Variants in AGBL1 observed in about 807,000 individuals in gnomAD.
The protein encoded by AGBL1 is AGBL carboxypeptidase 1.
A neutral mutation model predicts 118.9 loss-of-function variants in AGBL1; 130 were observed. The ratio of observed to expected loss-of-function variants is 1.09; its 90% CI spans 0.95 to 1.26. The LOEUF (loss-of-function observed/expected upper bound fraction) is 1.26. Among genes scored for constraint, AGBL1 ranks in the 50% most tolerant of loss-of-function variants. AGBL1 has a pLI of 0.00. For synonymous variants in AGBL1, 555 were observed against 478.9 expected (o/e 1.16, Z -2.08); for missense variants, 1,584 against 1,298.1 (o/e 1.22, Z -3.38).
chr15:86,115,728 C>G (rs1462450577), intron 1 of AGBL1, among the ~76,000 whole-genome samples: 1 of 152,200 alleles, frequency 6.6e-6, no homozygotes, highest in African/African-American at 2.4e-5. Context: ...TTCTTCTCTT[C>G]TCTGTGTACT....
intron 17 of AGBL1, among the ~76,000 whole-genome samples, chr15:86,331,309 T>C (rs2080265716): frequency 1.3e-5 from 2 of 151,496 alleles, no homozygotes; most frequent in South Asian, 2.1e-4. Flanking sequence ...TAGATAATAA[T>C]TCTCTCCTCT....
At chr15:86,800,541 C>A (rs1451952741) in intron 22 of AGBL1, among the ~76,000 whole-genome samples, 1 of 152,008 alleles carries the variant, frequency 6.6e-6, no homozygotes, top group Non-Finnish European at 1.5e-5. Context: ...AATTTATTTC[C>A]AAGTACCTTT....
chr15:86,664,378 G>A (rs2085603147), intron 21 of AGBL1, among the ~76,000 whole-genome samples: 1 of 152,146 alleles, frequency 6.6e-6, no homozygotes, highest in Admixed American at 6.6e-5. Flanking sequence ...AGATCTGCAT[G>A]GTCTGATTGA....
chr15:86,715,410 C>T (rs556807402), intron 22 of AGBL1, among the ~76,000 whole-genome samples: 1 of 152,250 alleles, frequency 6.6e-6, no homozygotes, highest in African/African-American at 2.4e-5. Context: ...CTCGTAGAAG[C>T]GTTTATACCT....
intron 22 of AGBL1, among the ~76,000 whole-genome samples, chr15:86,794,090 C>A (rs1040433165): frequency 1.3e-5 from 2 of 152,172 alleles, no homozygotes; most frequent in African/African-American, 4.8e-5. Context: ...ACAGCAATTC[C>A]ACTCCTAGAA....
chr15:86,905,784 G>A (rs752203540), intron 22 of AGBL1, among the ~76,000 whole-genome samples: 1 of 152,108 alleles, frequency 6.6e-6, no homozygotes, highest in Non-Finnish European at 1.5e-5. Flanking sequence ...AGGCTCCCAG[G>A]GTTCTCAATG....
At chr15:86,086,753 A>T (rs1371294171) in intron 1 of AGBL1, among the ~76,000 whole-genome samples, 1 of 152,146 alleles carries the variant, frequency 6.6e-6, no homozygotes, top group Non-Finnish European at 1.5e-5. Context: ...TGTGCATATA[A>T]GTTGCTTAAC....
At chr15:86,112,675 A>C (rs1897467910) in intron 1 of AGBL1, among the ~76,000 whole-genome samples, 1 of 152,230 alleles carries the variant, frequency 6.6e-6, no homozygotes, top group Admixed American at 6.5e-5. Context: ...CTAAATCGCC[A>C]ATCCAGGAAA....
rs1039993355 is a variant in AGBL1 at position 86,445,798 on chromosome 15, C to T, written c.2555+48252C>T. Among the ~76,000 whole-genome samples, 3 of 152,184 alleles carry T rather than the reference C, an allele frequency of 2.0e-5. No individual in the cohort carries two copies. In the East Asian group the frequency reaches 5.8e-4, roughly 29 times the overall value. ...GGGAGCTTGGTGTCCCAAACCCCTCCACTGAGCTGTGACTCAGGAATTACA... is the reference window on the plus strand; with the variant it reads ...GGGAGCTTGGTGTCCCAAACCCCTCTACTGAGCTGTGACTCAGGAATTACA... On this transcript the variant is annotated intron_variant, in intron 18 of 22. Coordinates refer to ENST00000614907, the MANE Select transcript of AGBL1 (RefSeq NM_001386094.1).
chr15:86,803,916 A>C (rs752722202), intron 22 of AGBL1, among the ~76,000 whole-genome samples: 1 of 152,168 alleles, frequency 6.6e-6, no homozygotes, highest in Non-Finnish European at 1.5e-5. Flanking sequence ...CTCGCAATAA[A>C]GAATTACTTG....
chr15:86,550,068 A>C (rs916137322), intron 20 of AGBL1, among the ~76,000 whole-genome samples: 1 of 152,156 alleles, frequency 6.6e-6, no homozygotes, highest in African/African-American at 2.4e-5. Flanking sequence ...AACAGAGAAA[A>C]CAAGATTAAA....
At chr15:86,831,843 C>T (rs183480610) in intron 22 of AGBL1, among the ~76,000 whole-genome samples, 206 of 152,310 alleles carry the variant, frequency 1.4e-3, no homozygotes, top group Non-Finnish European at 2.4e-3. Context: ...TTGCACCCCA[C>T]ATCTCCCTTT....
chr15:86,945,383 A>T (rs2080806597), intron 23 of AGBL1, among the ~76,000 whole-genome samples: 1 of 152,078 alleles, frequency 6.6e-6, no homozygotes. Flanking sequence ...ATAGTAAAAA[A>T]CCAGCCGGGC....
At chr15:86,760,664 GA>G in intron 22 of AGBL1, among the ~76,000 whole-genome samples, 1 of 152,186 alleles carries the variant, frequency 6.6e-6, no homozygotes, top group South Asian at 2.1e-4. Flanking sequence ...TCTGCAAAAA[GA>G]AATAACTTGG....
At chr15:86,130,068 G>A (rs923712661) in intron 1 of AGBL1, among the ~76,000 whole-genome samples, 1 of 152,134 alleles carries the variant, frequency 6.6e-6, no homozygotes, top group Non-Finnish European at 1.5e-5. Context: ...GCAGTCGTGT[G>A]GGTAGGGGAA....
Position 86,286,735 on chromosome 15 carries a change from G to GTGTGTATATATATATATATA in AGBL1, c.2220+6953_2220+6954insGTGTATATATATATATATAT. 1.3e-3 allele frequency among the ~76,000 whole-genome samples: 135 copies of GTGTGTATATATATATATATA among 106,294 alleles called. 9 individuals are homozygous for GTGTGTATATATATATATATA. Among genetic ancestry groups the GTGTGTATATATATATATATA allele is most frequent in the African/African-American group, 5.1e-3 (131 of 25,770 alleles). 69.7% of individuals were successfully genotyped at this position (106,294 alleles called of 152,430 possible). ...TATATGTGTGTGTGTGTTTGTGTGTGTATATATATATATAAAACTCCATCA... is the reference window on the plus strand; with the variant it reads ...TATATGTGTGTGTGTGTTTGTGTGTGTGTGTATATATATATATATATATATATATATATAAAACTCCATCA... On this transcript the variant is annotated intron_variant, in intron 16 of 22. Transcript: ENST00000614907.
chr15:86,518,994 G>A (rs2083154797), intron 18 of AGBL1, among the ~76,000 whole-genome samples: 1 of 151,228 alleles, frequency 6.6e-6, no homozygotes, highest in South Asian at 2.1e-4. Flanking sequence ...TTAAAATAAG[G>A]AGGACAAGTC....
At chr15:86,592,324 A>AT (rs1323901667) in intron 21 of AGBL1, among the ~76,000 whole-genome samples, 21 of 152,266 alleles carry the variant, frequency 1.4e-4, no homozygotes, top group Non-Finnish European at 1.5e-4. Context: ...GCCAAGGGGC[A>AT]TAAGGCAGAG....
chr15:86,979,595 T>C lies in AGBL1; in HGVS notation c.3222-8392T>C, dbSNP rs1460494754. ...GCTCCGCCTCCCGGGTTCACGCCAT[T>C]CTCCTGCCTCAGCCTCCGGAGTAGC... On this transcript the variant is annotated intron_variant, in intron 23 of 24. Coordinates refer to the AGBL1 transcript ENST00000441037. 2.0e-5 allele frequency among the ~76,000 whole-genome samples: 3 copies of C among 152,156 alleles called. No homozygotes were observed. The East Asian group carries it at 5.8e-4, about 29-fold the overall frequency.
Sources: allele counts gnomAD v4.1 joint callset (sites outside exome capture counted in the v4.1 genomes callset), GRCh38; gene constraint gnomAD v4.1.1; transcripts MANE v1.5; gene names NCBI Gene and HGNC (gene_info 2026-07-23, HGNC 2026-07-21).